Variants in CADPS observed in about 807,000 individuals in gnomAD.
CADPS encodes the protein calcium dependent secretion activator.
Under a neutral mutation model 167.3 loss-of-function variants are expected in CADPS, and 57 were observed. The ratio of observed to expected loss-of-function variants is 0.34; its 90% CI spans 0.28 to 0.42. The LOEUF (loss-of-function observed/expected upper bound fraction) is 0.42. CADPS is among the 20% of genes least tolerant of loss of function. The pLI is 1.00. For synonymous variants in CADPS, 676 were observed against 635.3 expected, an observed-to-expected ratio of 1.06 and a Z score of -0.96; for missense variants, 1,414 against 1,738.1, an observed-to-expected ratio of 0.81 and a Z score of 3.32.
intron 3 of CADPS, among the ~76,000 whole-genome samples, chr3:62,730,984 T>C (rs2077663829): frequency 6.6e-6 from 1 of 152,218 alleles, no homozygotes; most frequent in South Asian, 2.1e-4. Flanking sequence ...AAATGACATG[T>C]CCAAGGTGAC....
intron 3 of CADPS, among the ~76,000 whole-genome samples, chr3:62,721,140 A>ATTT (rs1564299964): frequency 6.5e-5 from 5 of 77,478 alleles, no homozygotes; most frequent in African/African-American, 2.9e-4. Flanking sequence ...TTTTTAAAAA[A>ATTT]AAAAAGAAGA....
intron 3 of CADPS, among the ~76,000 whole-genome samples, chr3:62,739,649 G>A (rs1284533585): frequency 6.6e-6 from 1 of 152,080 alleles, no homozygotes; most frequent in East Asian, 1.9e-4. Context: ...GAATAATGAG[G>A]AACTCTACTT....
chr3:62,548,121 G>T (rs528379364), intron 11 of CADPS, among the ~76,000 whole-genome samples: 1 of 151,844 alleles, frequency 6.6e-6, no homozygotes, highest in South Asian at 2.1e-4. Flanking sequence ...TGATACAGGG[G>T]GTAACTTCTT....
intron 1 of CADPS, among the ~76,000 whole-genome samples, chr3:62,872,914 G>A (rs2153224924): frequency 6.6e-6 from 1 of 152,300 alleles, no homozygotes; most frequent in East Asian, 1.9e-4. Flanking sequence ...TTTGGAGGTT[G>A]AAGTTCCTAT....
intron 11 of CADPS, among the ~76,000 whole-genome samples, chr3:62,542,616 T>C (rs2075873423): frequency 6.6e-6 from 1 of 152,098 alleles, no homozygotes; most frequent in African/African-American, 2.4e-5. Flanking sequence ...GAGAAACAAC[T>C]TAATTGCTTC....
chr3:62,875,172 G>A lies in CADPS; in HGVS notation c.-143C>T, dbSNP rs934884724. Reference sequence around the variant, plus strand: ...AGCGAGAGCGCTGCTGCTCAGCCTCGGCCGCCGCGACTGATCCTCTGCCCG... The same window carrying A: ...AGCGAGAGCGCTGCTGCTCAGCCTCAGCCGCCGCGACTGATCCTCTGCCCG... On this transcript the variant is annotated 5_prime_UTR_variant, in exon 1 of 30. Transcript: ENST00000383710. 8.9e-7 allele frequency: 1 copy of A among 1,126,102 alleles called. No homozygotes were observed. Among genetic ancestry groups the A allele is most frequent in the Non-Finnish European group, 1.1e-6 (1 of 882,388 alleles). The allele number at this position is 1,126,102 out of a possible 1,614,324, so 69.8% of individuals were successfully genotyped here. A position where few individuals can be genotyped will look rare whatever the true frequency, so the allele number is the denominator to read the frequency against.
At chr3:62,862,223 T>C (rs1201635222) in intron 1 of CADPS, among the ~76,000 whole-genome samples, 1 of 151,052 alleles carries the variant, frequency 6.6e-6, no homozygotes, top group African/African-American at 2.4e-5. Context: ...AGTGGTTTTT[T>C]TTTTTTTTTT....
chr3:62,578,806 C>T (rs756680120), intron 8 of CADPS, among the ~76,000 whole-genome samples: 1 of 152,034 alleles, frequency 6.6e-6, no homozygotes, highest in African/African-American at 2.4e-5. Context: ...ACACTATAAA[C>T]TGACTTGATC....
chr3:62,859,988 A>G (rs1166471508), intron 1 of CADPS, among the ~76,000 whole-genome samples: 2 of 152,082 alleles, frequency 1.3e-5, no homozygotes, highest in African/African-American at 4.8e-5. Flanking sequence ...GGTACAGATC[A>G]TTTTCAAAGG....
intron 3 of CADPS, among the ~76,000 whole-genome samples, chr3:62,727,169 G>A (rs1161919416): frequency 5.9e-5 from 9 of 151,838 alleles, no homozygotes; most frequent in Middle Eastern, 3.4e-3. Context: ...AGCATACACC[G>A]AAGAGCATGT....
chr3:62,620,601 A>T (rs970373220), intron 6 of CADPS, among the ~76,000 whole-genome samples: 2 of 152,196 alleles, frequency 1.3e-5, no homozygotes, highest in African/African-American at 4.8e-5. Context: ...TGTCCAAAGA[A>T]GTCAGAGATC....
intron 1 of CADPS, among the ~76,000 whole-genome samples, chr3:62,867,137 T>C (rs1171889039): frequency 6.6e-6 from 1 of 152,116 alleles, no homozygotes; most frequent in Admixed American, 6.6e-5. Flanking sequence ...TAATAGTCAA[T>C]ATCATAGTCA....
At chr3:62,633,663 C>G (rs771931189) in intron 6 of CADPS, among the ~76,000 whole-genome samples, 2 of 152,088 alleles carry the variant, frequency 1.3e-5, no homozygotes, top group African/African-American at 4.8e-5. Flanking sequence ...TTTTGTGACC[C>G]CTCTAATTAA....
chr3:62,556,693 A>C (rs2078204517), intron 10 of CADPS, among the ~76,000 whole-genome samples: 1 of 151,536 alleles, frequency 6.6e-6, no homozygotes, highest in Non-Finnish European at 1.5e-5. Flanking sequence ...TTTTTCTGGG[A>C]AAAAGATAAA....
At chr3:62,599,878 A>AAT (rs199812969) in intron 6 of CADPS, among the ~76,000 whole-genome samples, 9 of 72,550 alleles carry the variant, frequency 1.2e-4, no homozygotes, top group Non-Finnish European at 1.6e-4. Context: ...AATAATATAT[A>AAT]ATATATATAT....
intron 28 of CADPS, among the ~76,000 whole-genome samples, chr3:62,417,836 C>T (rs529409224): frequency 1.6e-3 from 205 of 131,576 alleles, no homozygotes; most frequent in Admixed American, 2.3e-3. Flanking sequence ...GTCTCTAAAA[C>T]AAACAAACAA....
chr3:62,499,398 G>A, intron 17 of CADPS, 130 bp from the exon 18 acceptor site: 2 of 637,286 alleles, frequency 3.1e-6, no homozygotes, highest in East Asian at 2.8e-5. Context: ...AATGTTAAGT[G>A]CCATGTAATT....
At chr3:62,835,267 C>T (rs73844615) in intron 1 of CADPS, among the ~76,000 whole-genome samples, 4,564 of 152,232 alleles carry the variant, frequency 0.03, 81 homozygotes, top group Middle Eastern at 0.054. Context: ...ACTGATATTG[C>T]AGGCTACCTT....
At chr3:62,773,425 G>A (rs2089442359) in intron 1 of CADPS, among the ~76,000 whole-genome samples, 1 of 152,042 alleles carries the variant, frequency 6.6e-6, no homozygotes, top group African/African-American at 2.4e-5. Flanking sequence ...AAATATAAAT[G>A]AGTAATTCTG....
Sources: gnomAD v4.1 joint callset for allele counts (sites outside exome capture counted in the v4.1 genomes callset) on GRCh38, gnomAD v4.1.1 for gene constraint, MANE v1.5 for transcripts, NCBI Gene and HGNC (gene_info 2026-07-23, HGNC 2026-07-21) for gene names.